Variants in CDH9 observed in about 807,000 individuals in gnomAD.
CDH9 encodes the protein cadherin 9.
CDH9 carries 28 observed loss-of-function variants against 70.9 expected under a neutral mutation model. That is an observed-to-expected ratio of 0.40 (90% CI 0.29 to 0.54). CDH9 has a LOEUF of 0.54. Ranked by LOEUF, CDH9 falls within the 20% of genes least tolerant of loss-of-function variation. CDH9 has a pLI of 0.59. For missense variants in CDH9, 874 were observed against 984.4 expected, an observed-to-expected ratio of 0.89 and a Z score of 1.50; for synonymous variants, 409 against 343.1, an observed-to-expected ratio of 1.19 and a Z score of -2.12.
At chr5:26,998,363 A>G (rs897751147) in intron 1 of CDH9, among the ~76,000 whole-genome samples, 47 of 152,312 alleles carry the variant, frequency 3.1e-4, no homozygotes, top group African/African-American at 1.1e-3. Context: ...GATTAAGAAA[A>G]TGTGGCACAT....
intron 2 of CDH9, among the ~76,000 whole-genome samples, chr5:26,926,175 T>C (rs1741335017): frequency 4.6e-5 from 7 of 152,146 alleles, no homozygotes; most frequent in Admixed American, 4.6e-4. Flanking sequence ...GATGGCATGA[T>C]TGTATATCTA....
intron 1 of CDH9, among the ~76,000 whole-genome samples, chr5:27,024,951 G>A (rs1458775975): frequency 1.3e-5 from 2 of 152,052 alleles, no homozygotes; most frequent in Non-Finnish European, 2.9e-5. Context: ...TGCAGCATAT[G>A]ATTTAGTATG....
In CDH9 at chr5:27,002,687, G is replaced by A. The variant is rs150213788; in HGVS notation, c.-49-14305C>T. On this transcript the variant is annotated intron_variant, in intron 1 of 11. Transcript: ENST00000231021. ...ACGCAAGGACAAAAAACCAAACACC[G>A]CATGTTCTCACTCATAGGTGAGAAT... is the stretch of plus-strand genomic sequence containing the variant. Among the ~76,000 whole-genome samples, 1,313 of 152,012 alleles carry A rather than the reference G, an allele frequency of 8.6e-3. 19 individuals are homozygous for A. Among genetic ancestry groups the A allele is most frequent in the African/African-American group, 0.03 (1,224 of 41,488 alleles).
At chr5:26,933,375 A>C (rs1741497908) in intron 2 of CDH9, among the ~76,000 whole-genome samples, 1 of 151,830 alleles carries the variant, frequency 6.6e-6, no homozygotes, top group South Asian at 2.1e-4. Flanking sequence ...AAATAGGAAA[A>C]AGGGAAAGAA....
chr5:27,030,432 G>A (rs1256582978), intron 1 of CDH9, among the ~76,000 whole-genome samples: 3 of 151,096 alleles, frequency 2.0e-5, no homozygotes, highest in East Asian at 2.0e-4. Flanking sequence ...AATTTATTCC[G>A]TCTTTGAAGT....
At chr5:26,986,314 C>A (rs1258165769) in intron 2 of CDH9, among the ~76,000 whole-genome samples, 2 of 151,686 alleles carry the variant, frequency 1.3e-5, no homozygotes, top group Non-Finnish European at 2.9e-5. Context: ...CGCATAAATC[C>A]AAAATGCCAT....
chr5:26,925,363 G>A (rs1167565991), intron 2 of CDH9, among the ~76,000 whole-genome samples: 1 of 152,066 alleles, frequency 6.6e-6, no homozygotes, highest in Non-Finnish European at 1.5e-5. Flanking sequence ...AGAAGTATCT[G>A]TTCATATCCT....
intron 2 of CDH9, among the ~76,000 whole-genome samples, chr5:26,961,999 C>A (rs114420363): frequency 6.6e-6 from 1 of 152,096 alleles, no homozygotes; most frequent in African/African-American, 2.4e-5. Context: ...CCAACAAGCC[C>A]TGGTGTGTGA....
intron 2 of CDH9, among the ~76,000 whole-genome samples, chr5:26,956,833 C>T (rs1220359633): frequency 6.6e-6 from 1 of 152,126 alleles, no homozygotes; most frequent in African/African-American, 2.4e-5. Flanking sequence ...ATTAGACTGA[C>T]ACTCCCTTTT....
At chr5:26,914,135 T>C (rs974027880) in intron 3 of CDH9, among the ~76,000 whole-genome samples, 1 of 152,016 alleles carries the variant, frequency 6.6e-6, no homozygotes, top group Non-Finnish European at 1.5e-5. Flanking sequence ...TTTACTTTTC[T>C]AGGTATGTCA....
chr5:26,990,046 C>T (rs1302334469), intron 1 of CDH9, among the ~76,000 whole-genome samples: 1 of 152,126 alleles, frequency 6.6e-6, no homozygotes, highest in Non-Finnish European at 1.5e-5. Context: ...GTTTCAGACA[C>T]ACAGACTTAA....
intron 1 of CDH9, among the ~76,000 whole-genome samples, chr5:27,007,874 G>T (rs1742893674): frequency 6.6e-6 from 1 of 151,898 alleles, no homozygotes; most frequent in African/African-American, 2.4e-5. Context: ...AATTGAGGAG[G>T]ACACTAAATT....
chr5:27,035,687 TGTGTGTGTGTGTGTGTGTGTGTGG>T (rs1743379913), intron 1 of CDH9, among the ~76,000 whole-genome samples: 1 of 149,958 alleles, frequency 6.7e-6, no homozygotes, highest in Non-Finnish European at 1.5e-5. Context: ...TGTGTGTGTG[TGTGTGTGTGTGTGTGTGTGTGTGG>T]GTGTGTGTGG....
At chr5:26,896,756 G>C (rs1262638225) in intron 7 of CDH9, among the ~76,000 whole-genome samples, 1 of 151,912 alleles carries the variant, frequency 6.6e-6, no homozygotes, top group Non-Finnish European at 1.5e-5. Flanking sequence ...ACAATTAAAA[G>C]AACTGGAGAA....
intron 2 of CDH9, among the ~76,000 whole-genome samples, chr5:26,976,037 G>C (rs1325646745): frequency 6.6e-6 from 1 of 152,156 alleles, no homozygotes; most frequent in Non-Finnish European, 1.5e-5. Flanking sequence ...ACATGCACAA[G>C]ACAGAAATCC....
chr5:26,890,353 T>G (rs1366917253), intron 8 of CDH9, 75 bp downstream of exon 8: 1 of 1,239,484 alleles, frequency 8.1e-7, no homozygotes, highest in African/African-American at 1.5e-5. Context: ...CTCAAGAAAA[T>G]GAGTCTAGCT....
intron 5 of CDH9, among the ~76,000 whole-genome samples, chr5:26,904,325 G>C (rs1740909661): frequency 6.6e-6 from 1 of 151,610 alleles, no homozygotes; most frequent in Non-Finnish European, 1.5e-5. Flanking sequence ...GTGGGGCATG[G>C]ATGTTTGTAT....
At position 26,915,816 on chromosome 5, in the gene CDH9, C is replaced by A. The variant is rs1277670778; in HGVS notation, c.337G>T (p.Ala113Ser). ...TTTTCTTCTCTGTCTAGTTTCTTTGCAGCATGAATGTCTCCTGTATTTTCA... is the reference window on the plus strand; with the variant it reads ...TTTTCTTCTCTGTCTAGTTTCTTTGAAGCATGAATGTCTCCTGTATTTTCA... ...IDENTGDIHAAKKLDREEKSL... is the reference protein window; with the variant it reads ...IDENTGDIHASKKLDREEKSL... The change falls in exon 3 of 12, where the codon GCA becomes TCA. Residue 113 changes from alanine (A) to serine (S), a missense_variant. Ala to Ser is a moderately conservative substitution (Grantham distance 99). Transcript: ENST00000231021. 3 of 1,613,360 alleles carry A rather than the reference C, an allele frequency of 1.9e-6. No individual in the cohort carries two copies. The highest frequency in any genetic ancestry group is 2.5e-6 in the Non-Finnish European group (3 of 1,179,404).
intron 7 of CDH9, among the ~76,000 whole-genome samples, chr5:26,892,800 G>A (rs373190340): frequency 6.3e-4 from 95 of 151,996 alleles, no homozygotes; most frequent in Middle Eastern, 3.4e-3. Flanking sequence ...GCGCGATCTC[G>A]GCTCACTGCA....
Sources: gnomAD v4.1 joint callset for allele counts (sites outside exome capture counted in the v4.1 genomes callset) on GRCh38, gnomAD v4.1.1 for gene constraint, MANE v1.5 for transcripts, NCBI Gene and HGNC (gene_info 2026-07-23, HGNC 2026-07-21) for gene names.